Variants in SP140 observed in about 807,000 individuals in gnomAD.
SP140 encodes nuclear body protein SP140.
In SP140, 81 loss-of-function variants were observed where a neutral mutation model predicts 125.0. The observed-to-expected ratio is 0.65, with a 90% CI of 0.54 to 0.78. The LOEUF is 0.78. Ranked by LOEUF, SP140 falls within the 30% of genes least tolerant of loss-of-function variation. The pLI is 0.00. For synonymous variants in SP140, 312 were observed against 354.0 expected, an observed-to-expected ratio of 0.88 and a Z score of 1.33; for missense variants, 858 against 1,037.0, an observed-to-expected ratio of 0.83 and a Z score of 2.37.
chr2:230,198,096 G>T, the SP140 span, among the ~76,000 whole-genome samples: 2 of 145,730 alleles, frequency 1.4e-5, no homozygotes, highest in Admixed American at 1.3e-4. Flanking sequence ...GAAGTTCTCT[G>T]TAGGACAATA....
chr2:230,238,369 A>G lies in SP140; in HGVS notation c.394A>G (p.Ser132Gly). ...TCCTGATTTAAACGAGATTTACAGA[A>G]GCTTCCAGAATGGTAACTATAGCTC... is the stretch of plus-strand genomic sequence containing the variant. Reference protein sequence around the residue: ...AYPDLNEIYRSFQNVCYEHSP... With the variant: ...AYPDLNEIYRGFQNVCYEHSP... Residue 132 changes from serine (S) to glycine (G), a missense_variant, in exon 3 of 27, where the codon AGC becomes GGC. This residue lies in a region of SP140 where 791 missense variants were observed against 869.5 expected (regional missense o/e 0.91). Transcript: ENST00000392045. 6.2e-7 allele frequency: 1 copy of G among 1,610,540 alleles called. No individual in the cohort carries two copies. Among genetic ancestry groups the G allele is most frequent in the Non-Finnish European group, 8.5e-7 (1 of 1,179,166 alleles).
chr2:230,190,998 C>A, the SP140 span, among the ~76,000 whole-genome samples: 2 of 152,092 alleles, frequency 1.3e-5, no homozygotes, highest in African/African-American at 2.4e-5. Flanking sequence ...GGGATGCATC[C>A]CGTTTTATCC....
At chr2:230,313,434 G>A (rs1350001329), downstream of SP140, among the ~76,000 whole-genome samples, 1 of 152,168 alleles carries the variant, frequency 6.6e-6, no homozygotes, top group East Asian at 1.9e-4. Flanking sequence ...AGCTTCACCT[G>A]GAAGTGACAC....
intron 1 of SP140, chr2:230,212,581 C>T (rs2044612845): frequency 9.3e-7 from 1 of 1,071,436 alleles, no homozygotes; most frequent in Non-Finnish European, 1.5e-6. Context: ...GTTCTGGACT[C>T]TAGGTCTTAC....
At chr2:230,266,227 T>C (rs563494509) in intron 12 of SP140, among the ~76,000 whole-genome samples, 1 of 152,362 alleles carries the variant, frequency 6.6e-6, no homozygotes, top group South Asian at 2.1e-4. Flanking sequence ...CAATAGATTA[T>C]GTCTGAGAAA....
chr2:230,186,795 C>T, the SP140 span, among the ~76,000 whole-genome samples: 2 of 152,288 alleles, frequency 1.3e-5, no homozygotes, highest in East Asian at 3.9e-4. Context: ...AGAATAATGG[C>T]CTCCAGCTCC....
chr2:230,238,778 G>A, intron 3 of SP140: 1 of 1,552,086 alleles, frequency 6.4e-7, no homozygotes, highest in East Asian at 2.4e-5. Context: ...ATCATCCAGT[G>A]CAGTCCTGTG....
chr2:230,200,957 C>T (rs1419057925), upstream of SP140: 1 of 1,612,760 alleles, frequency 6.2e-7, no homozygotes, highest in South Asian at 1.1e-5. Flanking sequence ...GAAGTGCCAT[C>T]AATGATCTCT....
intron 1 of SP140, among the ~76,000 whole-genome samples, chr2:230,229,558 C>T (rs571312682): frequency 4.6e-4 from 68 of 147,826 alleles, no homozygotes; most frequent in Admixed American, 3.2e-3. Flanking sequence ...CACTCCGCCT[C>T]CTGGGTTCAC....
intron 3 of SP140, among the ~76,000 whole-genome samples, chr2:230,217,152 G>A (rs886617724): frequency 1.8e-4 from 26 of 145,946 alleles, no homozygotes; most frequent in African/African-American, 5.4e-4. Context: ...AGGCTGAGGC[G>A]GGAAAATTGC....
chr2:230,283,045 G>A (rs1458184631), intron 15 of SP140, among the ~76,000 whole-genome samples: 1 of 152,200 alleles, frequency 6.6e-6, no homozygotes, highest in Non-Finnish European at 1.5e-5. Context: ...AAATGACTGA[G>A]AATAGTGGTG....
chr2:230,272,556 A>T (rs1276653710), intron 15 of SP140, among the ~76,000 whole-genome samples: 1 of 152,136 alleles, frequency 6.6e-6, no homozygotes, highest in African/African-American at 2.4e-5. Context: ...GCCATCATCC[A>T]TGTAAGACGT....
chr2:230,192,530 C>T, the SP140 span, among the ~76,000 whole-genome samples: 1 of 150,990 alleles, frequency 6.6e-6, no homozygotes, highest in African/African-American at 2.5e-5. Context: ...AACTACCATT[C>T]ACAATCACTA....
At chr2:230,193,185 T>C in the SP140 span, among the ~76,000 whole-genome samples, 2 of 152,220 alleles carry the variant, frequency 1.3e-5, no homozygotes, top group African/African-American at 4.8e-5. Context: ...TGTTTACTTT[T>C]GGTTTCCATT....
At chr2:230,276,869 G>C (rs1575162328) in intron 15 of SP140, among the ~76,000 whole-genome samples, 1 of 152,154 alleles carries the variant, frequency 6.6e-6, no homozygotes, top group African/African-American at 2.4e-5. Context: ...CATCAGTGAA[G>C]AAGTAATTGC....
At chr2:230,245,743 G>T (rs2049346402) in intron 6 of SP140, 120 bp from the exon 7 acceptor site, 2 of 656,506 alleles carry the variant, frequency 3.0e-6, no homozygotes, top group African/African-American at 3.6e-5. Flanking sequence ...TTTGTTTGGT[G>T]CAAAGATACC....
chr2:230,305,224 G>C (rs1051164522), intron 22 of SP140, among the ~76,000 whole-genome samples: 1 of 152,198 alleles, frequency 6.6e-6, no homozygotes, highest in Non-Finnish European at 1.5e-5. Context: ...ACTCCTGCAA[G>C]AATGGCCATA....
the SP140 span, among the ~76,000 whole-genome samples, chr2:230,187,116 C>T: frequency 2.0e-5 from 3 of 152,260 alleles, no homozygotes; most frequent in African/African-American, 7.2e-5. Context: ...TGCACTCCCA[C>T]CAGCAGTGTA....
chr2:230,205,654 G>A (rs959430036), intron 1 of SP140, among the ~76,000 whole-genome samples: 2 of 152,122 alleles, frequency 1.3e-5, no homozygotes, highest in African/African-American at 2.4e-5. Context: ...AGTGCTCACT[G>A]CATATTTGTT....
Sources: gnomAD v4.1 joint callset for allele counts (sites outside exome capture counted in the v4.1 genomes callset) on GRCh38, gnomAD v4.1.1 for gene constraint, gnomAD v4.1.1 regional missense constraint, MANE v1.5 for transcripts, NCBI Gene and HGNC (gene_info 2026-07-23, HGNC 2026-07-21) for gene names.